Variants in PAPPA observed in about 807,000 individuals in gnomAD.
The protein encoded by PAPPA is pappalysin 1, also known as pappalysin-1.
In PAPPA, 60 loss-of-function variants were observed where a neutral mutation model predicts 164.0. The observed-to-expected ratio is 0.37, with a 90% CI of 0.30 to 0.45. The LOEUF (loss-of-function observed/expected upper bound fraction) is 0.45. Ranked by LOEUF, PAPPA falls within the 20% of genes least tolerant of loss-of-function variation. PAPPA has a pLI of 1.00. For synonymous variants in PAPPA, 875 were observed against 814.1 expected (o/e 1.07, Z -1.27); for missense variants, 1,782 against 2,087.3 (o/e 0.85, Z 2.85).
chr9:116,235,768 C>T, intron 7 of PAPPA, 131 bp downstream of exon 7: 1 of 866,862 alleles, frequency 1.2e-6, no homozygotes, highest in Non-Finnish European at 1.9e-6. Context: ...TGTAACCCAT[C>T]ATTGGGTGTA....
At chr9:116,168,384 A>G (rs1843738833) in intron 1 of PAPPA, among the ~76,000 whole-genome samples, 1 of 152,202 alleles carries the variant, frequency 6.6e-6, no homozygotes, top group Non-Finnish European at 1.5e-5. Flanking sequence ...CTAGTGGTGG[A>G]AGCAGACTGG....
At chr9:116,293,824 G>A (rs527758452) in intron 9 of PAPPA, among the ~76,000 whole-genome samples, 25 of 152,014 alleles carry the variant, frequency 1.6e-4, no homozygotes, top group African/African-American at 2.9e-4. Context: ...GCTTGGTGGC[G>A]CATTCCTGTA....
rs750888839 is a variant in PAPPA, at chr9:116,347,221, G to A, written c.3964+12G>A. ...TGCACAATTGAAAGGTATCAAGAAC[G>A]CCTTCCCCAGCTCAGCCTTCCTTTG... On this transcript the variant is annotated intron_variant, in intron 15 of 21. Coordinates refer to ENST00000328252, the MANE Select transcript of PAPPA (RefSeq NM_002581.5). The surrounding 1 kb of genome is among the most constrained non-coding windows in gnomAD (Gnocchi z 4.5). 3.6e-5 allele frequency: 57 copies of A among 1,590,676 alleles called. No homozygotes were observed. Among genetic ancestry groups the A allele is most frequent in the East Asian group, 4.5e-5 (2 of 44,092 alleles).
chr9:116,219,077 T>A (rs145949071), intron 4 of PAPPA, among the ~76,000 whole-genome samples: 165 of 152,322 alleles, frequency 1.1e-3, no homozygotes, highest in Middle Eastern at 6.8e-3. Flanking sequence ...TCTGTAGTCA[T>A]GCAGCACTTT....
chr9:116,210,313 C>G (rs946018803), intron 3 of PAPPA, among the ~76,000 whole-genome samples: 1 of 152,192 alleles, frequency 6.6e-6, no homozygotes, highest in Non-Finnish European at 1.5e-5. Context: ...AACACGGAGA[C>G]AGAGTCCTTC....
At chr9:116,212,358 T>G (rs531845785) in intron 4 of PAPPA, among the ~76,000 whole-genome samples, 28 of 152,270 alleles carry the variant, frequency 1.8e-4, no homozygotes, top group African/African-American at 6.7e-4. Context: ...CATAGTACTT[T>G]TGAGTACCAC....
chr9:116,364,718 C>T lies in PAPPA; in HGVS notation c.4495+1979C>T, dbSNP rs1018964791. Among the ~76,000 whole-genome samples the T allele has an allele frequency of 1.4e-4, 22 of 152,066 alleles. 1 individual carries two copies. Among genetic ancestry groups the T allele is most frequent in the Admixed American group, 1.3e-3 (20 of 15,256 alleles). ...TGTCTCAACTGTACGCAAATGAGTA[C>T]GATACCTGGCTGTCTTCTCTCCATC... On this transcript the variant is annotated intron_variant, in intron 18 of 21. Coordinates refer to ENST00000328252, the MANE Select transcript of PAPPA (RefSeq NM_002581.5).
intron 17 of PAPPA, among the ~76,000 whole-genome samples, chr9:116,354,093 C>A (rs1224089162): frequency 1.3e-5 from 2 of 152,140 alleles, no homozygotes; most frequent in Non-Finnish European, 2.9e-5. Flanking sequence ...TCCATTACCA[C>A]CCATGTTGGT....
intron 6 of PAPPA, among the ~76,000 whole-genome samples, chr9:116,231,082 T>TATATAG (rs1051812364): frequency 2.0e-5 from 3 of 152,048 alleles, no homozygotes; most frequent in East Asian, 1.9e-4. Context: ...AGTGTATATA[T>TATATAG]ATATAGATAT....
At chr9:116,161,946 A>G (rs1843669104) in intron 1 of PAPPA, among the ~76,000 whole-genome samples, 1 of 152,182 alleles carries the variant, frequency 6.6e-6, no homozygotes, top group African/African-American at 2.4e-5. Flanking sequence ...GTTTGCAAAT[A>G]CGGAGACCAC....
intron 1 of PAPPA, among the ~76,000 whole-genome samples, chr9:116,183,177 G>T (rs957801058): frequency 1.1e-4 from 17 of 152,174 alleles, no homozygotes; most frequent in African/African-American, 3.9e-4. Context: ...GAGACGTGGG[G>T]GTTCTTTTGT....
At chr9:116,227,613 T>A in intron 6 of PAPPA, 61 bp downstream of exon 6, 1 of 1,573,786 alleles carries the variant, frequency 6.4e-7, no homozygotes, top group Non-Finnish European at 8.6e-7. Context: ...GCTCTTTCAA[T>A]GTATATGGGG....
At chr9:116,377,517 C>G (rs2273978) in intron 19 of PAPPA, 59 bp from the exon 20 acceptor site, 4 of 1,196,246 alleles carry the variant, frequency 3.3e-6, no homozygotes, top group Admixed American at 1.7e-5. Context: ...AATGCCAACA[C>G]GGAGGTGGGT....
chr9:116,172,749 C>G (rs775489962), intron 1 of PAPPA, among the ~76,000 whole-genome samples: 9 of 152,148 alleles, frequency 5.9e-5, no homozygotes, highest in Non-Finnish European at 1.3e-4. Flanking sequence ...GAAATACTAA[C>G]CTGTCTGGTT....
chr9:116,281,876 G>A (rs575653090), intron 9 of PAPPA, among the ~76,000 whole-genome samples: 4 of 152,136 alleles, frequency 2.6e-5, no homozygotes, highest in African/African-American at 4.8e-5. Context: ...CCAAGGCTAC[G>A]GGAAGGTAGG....
At chr9:116,266,014 G>T (rs769707820) in intron 8 of PAPPA, 29 bp downstream of exon 8, 26 of 1,581,734 alleles carry the variant, frequency 1.6e-5, no homozygotes, top group Non-Finnish European at 8.7e-7. Context: ...AGAAAGAAGA[G>T]GAGGGATGCT....
rs750347947 is a variant in PAPPA at position 116,352,833 on chromosome 9, G to T, written c.4092G>T (p.Glu1364Asp). 1 of 1,613,882 alleles carries T rather than the reference G, an allele frequency of 6.2e-7. No individual in the cohort carries two copies. The highest frequency in any genetic ancestry group is 8.5e-7 in the Non-Finnish European group (1 of 1,179,948). ...ACCTCCAGACCGCCCGGTGCCGAGA[G>T]AATAAGCACAAGGTGGGCTCCTTCT... ...NADLQTARCR[E>D]NKHKVGSFCK... is the part of the protein sequence containing the mutation. The change falls in exon 16 of 22, where the codon GAG (glutamate) becomes GAT (aspartate). Residue 1364 changes from glutamate to aspartate, a missense_variant. Transcript: ENST00000328252.
At chr9:116,192,131 T>A (rs1844050640) in intron 2 of PAPPA, among the ~76,000 whole-genome samples, 1 of 152,144 alleles carries the variant, frequency 6.6e-6, no homozygotes, top group African/African-American at 2.4e-5. Context: ...TGCCAGTGCT[T>A]CCCATTTGGT....
intron 7 of PAPPA, among the ~76,000 whole-genome samples, chr9:116,239,327 T>C (rs1204472323): frequency 6.6e-6 from 1 of 152,160 alleles, no homozygotes; most frequent in Non-Finnish European, 1.5e-5. Context: ...CAGTGCCAAC[T>C]CTGCTACAAA....
Sources: allele counts gnomAD v4.1 joint callset (sites outside exome capture counted in the v4.1 genomes callset), GRCh38; gene constraint gnomAD v4.1.1; non-coding constraint Gnocchi (gnomAD v3.1); transcripts MANE v1.5; gene names NCBI Gene and HGNC (gene_info 2026-07-23, HGNC 2026-07-21).